GCN1: variants seen among roughly 807,000 people sequenced by gnomAD.
The protein encoded by GCN1 is stalled ribosome sensor GCN1.
A neutral mutation model predicts 288.4 loss-of-function variants in GCN1; 90 were observed. That is an observed-to-expected ratio of 0.31 (90% CI 0.26 to 0.37). The LOEUF is 0.37. Ranked by LOEUF, GCN1 falls within the 10% of genes least tolerant of loss-of-function variation. The probability of loss-of-function intolerance (pLI) is 1.00; values close to 1 mark genes in which losing one functional copy is unlikely to be tolerated. For missense variants in GCN1, 2,586 were observed against 3,419.9 expected, an observed-to-expected ratio of 0.76 and a Z score of 6.08; for synonymous variants, 1,386 against 1,420.2, an observed-to-expected ratio of 0.98 and a Z score of 0.54.
chr12:120,173,253 C>T (rs192981211), intron 14 of GCN1, among the ~76,000 whole-genome samples: 3 of 151,886 alleles, frequency 2.0e-5, no homozygotes, highest in East Asian at 1.9e-4. Context: ...GACAGGGTTT[C>T]GCCATGTTGG....
chr12:120,188,540 T>C (rs574436187), intron 2 of GCN1, among the ~76,000 whole-genome samples: 42 of 151,542 alleles, frequency 2.8e-4, no homozygotes, highest in African/African-American at 9.7e-4. Context: ...GGAACACAGA[T>C]TGGGAAAAAT....
At position 120,137,067 on chromosome 12, in the gene GCN1, C is replaced by T; in HGVS notation, c.6777+139G>A. On this transcript the variant is annotated intron_variant, in intron 50 of 57. Transcript: ENST00000300648. This position sits in a 1 kb window ranked among gnomAD's most constrained non-coding sequence, Gnocchi z 5.2. ...TCTGACTGCCATGGAAGAAAACATG[C>T]TGTCTGCGAAGGTGCTGAACACCAA... 1 of 678,270 alleles carries T rather than the reference C, an allele frequency of 1.5e-6. No homozygotes were observed. Among genetic ancestry groups the T allele is most frequent in the Non-Finnish European group, 2.6e-6 (1 of 377,622 alleles). 42.0% of individuals were successfully genotyped at this position (678,270 alleles called of 1,614,324 possible).
chr12:120,185,876 G>C (rs775091365), intron 2 of GCN1, among the ~76,000 whole-genome samples: 1 of 152,132 alleles, frequency 6.6e-6, no homozygotes, highest in Non-Finnish European at 1.5e-5. Context: ...TAGGATTACA[G>C]GCGTGAGCCA....
chr12:120,156,316 G>A lies in GCN1; in HGVS notation c.3312+145C>T, dbSNP rs1202985790. On this transcript the variant is annotated intron_variant, in intron 28 of 57. Transcript: ENST00000300648. This position sits in a 1 kb window ranked among gnomAD's most constrained non-coding sequence, Gnocchi z 5.8. ...TGACTGCTTAGTGTTCTGATTCTCAGAGAGACCCCAACCATGTGACTTCTT... is the reference window on the plus strand; with the variant it reads ...TGACTGCTTAGTGTTCTGATTCTCAAAGAGACCCCAACCATGTGACTTCTT... 9 of 723,088 alleles carry A rather than the reference G, an allele frequency of 1.2e-5. No homozygotes were observed. Among genetic ancestry groups the A allele is most frequent in the East Asian group, 1.1e-4 (4 of 37,318 alleles). The allele number at this position is 723,088 out of a possible 1,614,324, so 44.8% of individuals were successfully genotyped here. A position where few individuals can be genotyped will look rare whatever the true frequency, so the allele number is the denominator to read the frequency against.
intron 56 of GCN1, among the ~76,000 whole-genome samples, chr12:120,130,109 C>G (rs1406835525): frequency 6.6e-6 from 1 of 152,194 alleles, no homozygotes; most frequent in African/African-American, 2.4e-5. Context: ...TTGCTGAGAG[C>G]TGGTTAGAGT....
At chr12:120,182,999 C>A (rs955798015) in intron 5 of GCN1, among the ~76,000 whole-genome samples, 1 of 151,618 alleles carries the variant, frequency 6.6e-6, no homozygotes, top group Non-Finnish European at 1.5e-5. Context: ...ATGACCTACA[C>A]TAAGCCTACC....
In GCN1 at chr12:120,163,199, A is replaced by G; in HGVS notation, c.1909T>C (p.Tyr637His). 1 of 1,614,000 alleles carries G rather than the reference A, an allele frequency of 6.2e-7. No individual in the cohort carries two copies. Residue 637 changes from tyrosine (Y) to histidine (H), a missense_variant, in exon 19 of 58, where the codon TAC (tyrosine) becomes CAC (histidine). Transcript: ENST00000300648. ...AGEVTEAGKA[Y>H]VPPRVLQEAL... ...TCCTGCAGGACCCGTGGAGGCACGT[A>G]GGCCTTGCCTGCCTCAGTCACCTCT... is the stretch of plus-strand genomic sequence containing the variant.
chr12:120,178,808 G>A (rs1214295307), intron 6 of GCN1, 44 bp downstream of exon 6: 3 of 1,613,774 alleles, frequency 1.9e-6, no homozygotes, highest in Non-Finnish European at 2.5e-6. Context: ...GTGGGGGAGT[G>A]GCATGGAAGA....
Position 120,153,587 on chromosome 12 carries a change from C to G in GCN1, c.3867+157G>C, listed in dbSNP as rs536652589. ...CACAGACTTAAAAGAATTTAACACA[C>G]TATCATGGTCTTTTTGGCTCAAAGT... On this transcript the variant is annotated intron_variant, in intron 32 of 57. Coordinates refer to ENST00000300648, the MANE Select transcript of GCN1 (RefSeq NM_006836.2). This position sits in a 1 kb window ranked among gnomAD's most constrained non-coding sequence, Gnocchi z 4.4. Among the ~76,000 whole-genome samples the G allele has an allele frequency of 6.6e-6, 1 of 152,234 alleles. No homozygotes were observed. The highest frequency in any genetic ancestry group is 1.5e-5 in the Non-Finnish European group (1 of 68,032).
At chr12:120,143,762 A>AT (rs534330089) in intron 42 of GCN1, among the ~76,000 whole-genome samples, 325 of 152,344 alleles carry the variant, frequency 2.1e-3, no homozygotes, top group African/African-American at 6.6e-3. Context: ...TTTAGATTAA[A>AT]GAGTACTTGA....
chr12:120,140,622 C>T (rs1176618851), intron 45 of GCN1, among the ~76,000 whole-genome samples: 1 of 152,204 alleles, frequency 6.6e-6, no homozygotes, highest in Non-Finnish European at 1.5e-5. Context: ...TTTCCAAAGG[C>T]CACTCAAGGA....
chr12:120,134,201 T>C lies in GCN1; in HGVS notation c.7317+90A>G. The C allele has an allele frequency of 2.5e-6, 2 of 806,958 alleles. No homozygotes were observed. Among genetic ancestry groups the C allele is most frequent in the South Asian group, 2.9e-5 (2 of 68,792 alleles). 50.0% of individuals were successfully genotyped at this position (806,958 alleles called of 1,614,324 possible). ...AATGCTTATTACTACTGAGCTGTAC[T>C]GGTTCTAACACAAAGTGAAGAACTC... On this transcript the variant is annotated intron_variant, in intron 53 of 57. Coordinates refer to ENST00000300648, the MANE Select transcript of GCN1 (RefSeq NM_006836.2). The surrounding 1 kb of genome is among the most constrained non-coding windows in gnomAD (Gnocchi z 5.0).
chr12:120,182,986 C>T (rs1031952314), intron 5 of GCN1, among the ~76,000 whole-genome samples: 3 of 151,760 alleles, frequency 2.0e-5, no homozygotes, highest in Non-Finnish European at 4.4e-5. Flanking sequence ...AAAACCACTC[C>T]TCATGACCTA....
chr12:120,181,217 G>A (rs1296958672), intron 5 of GCN1, among the ~76,000 whole-genome samples: 1 of 152,000 alleles, frequency 6.6e-6, no homozygotes, highest in Non-Finnish European at 1.5e-5. Context: ...TATAAACCCA[G>A]CACTTTGGAA....
chr12:120,157,785 G>A (rs747395621), intron 26 of GCN1, 64 bp downstream of exon 26: 61 of 1,313,282 alleles, frequency 4.6e-5, no homozygotes, highest in Non-Finnish European at 6.1e-5. Flanking sequence ...GACAAAACGT[G>A]TCCACAGGCC....
chr12:120,177,666 C>T lies in GCN1; in HGVS notation c.729+18G>A, dbSNP rs765131904. 4.4e-6 allele frequency: 7 copies of T among 1,597,016 alleles called. No homozygotes were observed. Among genetic ancestry groups the T allele is most frequent in the Non-Finnish European group, 5.2e-6 (6 of 1,164,334 alleles). On this transcript the variant is annotated intron_variant, in intron 8 of 57. Transcript: ENST00000300648. ...TGGGATCAGTTGTCCAGGTGAGTAA[C>T]GTCCACCTCTCGCTCACCAACAGGT... is the stretch of plus-strand genomic sequence containing the variant.
chr12:120,147,640 T>C (rs1235570561), intron 37 of GCN1, among the ~76,000 whole-genome samples: 3 of 152,258 alleles, frequency 2.0e-5, no homozygotes, highest in Non-Finnish European at 4.4e-5. Context: ...CTTTTCCCTA[T>C]AGCTTTATAA....
rs773202140 is a variant in GCN1, at chr12:120,144,611, C to T, written c.5352+28G>A. 14 of 1,599,984 alleles carry T rather than the reference C, an allele frequency of 8.8e-6. No individual in the cohort carries two copies. The highest frequency in any genetic ancestry group is 1.0e-5 in the Non-Finnish European group (12 of 1,167,760). Reference sequence around the variant, plus strand: ...TTGCCTCCTGCCCTCCTCAAGGACTCTACCCTTGCCAAGGTCATGGTACCT... The same window carrying T: ...TTGCCTCCTGCCCTCCTCAAGGACTTTACCCTTGCCAAGGTCATGGTACCT... On this transcript the variant is annotated intron_variant, in intron 41 of 57. Coordinates refer to ENST00000300648, the MANE Select transcript of GCN1 (RefSeq NM_006836.2). This position sits in a 1 kb window ranked among gnomAD's most constrained non-coding sequence, Gnocchi z 4.7.
Position 120,149,732 on chromosome 12 carries a change from A to G in GCN1, c.4432-12T>C, listed in dbSNP as rs1445515760. 1 of 1,606,166 alleles carries G rather than the reference A, an allele frequency of 6.2e-7. No individual in the cohort carries two copies. The highest frequency in any genetic ancestry group is 1.1e-5 in the South Asian group (1 of 90,838). Reference sequence around the variant, plus strand: ...CAGTCATCTGCAGCCTCAAGGGGGGAGAAAACACATTCAGGGGCCTCCTCA... The same window carrying G: ...CAGTCATCTGCAGCCTCAAGGGGGGGGAAAACACATTCAGGGGCCTCCTCA... On this transcript the variant is annotated splice_polypyrimidine_tract_variant and intron_variant, in intron 35 of 57. Transcript: ENST00000300648.
Sources: allele counts gnomAD v4.1 joint callset (sites outside exome capture counted in the v4.1 genomes callset), GRCh38; gene constraint gnomAD v4.1.1; non-coding constraint Gnocchi (gnomAD v3.1); transcripts MANE v1.5; gene names NCBI Gene and HGNC (gene_info 2026-07-23, HGNC 2026-07-21).